Variants in KCNN2 observed in about 807,000 individuals in gnomAD.
KCNN2 encodes small conductance calcium-activated potassium channel protein 2.
Under a neutral mutation model 55.5 loss-of-function variants are expected in KCNN2, and 24 were observed. That is an observed-to-expected ratio of 0.43 (90% CI 0.31 to 0.61). The LOEUF (loss-of-function observed/expected upper bound fraction) is 0.61. Ranked by LOEUF, KCNN2 falls within the 20% of genes least tolerant of loss-of-function variation. The pLI is 0.08. For synonymous variants in KCNN2, 431 were observed against 336.1 expected (o/e 1.28, Z -3.09); for missense variants, 754 against 853.6 (o/e 0.88, Z 1.45).
chr5:114,086,663 T>G (rs1402413933), intron 1 of KCNN2, among the ~76,000 whole-genome samples: 2 of 152,126 alleles, frequency 1.3e-5, no homozygotes, highest in Non-Finnish European at 2.9e-5. Context: ...GAACCACATT[T>G]TCTTTATCTT....
chr5:114,205,927 T>G (rs1357136006), intron 1 of KCNN2, among the ~76,000 whole-genome samples: 1 of 152,204 alleles, frequency 6.6e-6, no homozygotes, highest in Admixed American at 6.5e-5. Flanking sequence ...CCTGTTACTT[T>G]TTGAAAATAG....
intron 3 of KCNN2, among the ~76,000 whole-genome samples, chr5:114,448,375 GT>G (rs903389407): frequency 5.1e-4 from 77 of 152,256 alleles, no homozygotes; most frequent in African/African-American, 1.7e-3. Flanking sequence ...AGACAGCTTC[GT>G]TCACTACACT....
At chr5:114,252,659 C>T (rs1754890772) in intron 2 of KCNN2, among the ~76,000 whole-genome samples, 1 of 151,778 alleles carries the variant, frequency 6.6e-6, no homozygotes. Flanking sequence ...AAGAATCCTT[C>T]CCCCCAACCC....
intron 1 of KCNN2, among the ~76,000 whole-genome samples, chr5:114,069,767 T>C (rs2112523528): frequency 6.6e-6 from 1 of 152,334 alleles, no homozygotes; most frequent in African/African-American, 2.4e-5. Flanking sequence ...AATTCTCCTC[T>C]GCCCACCACA....
chr5:114,098,663 A>G (rs1387725710), intron 1 of KCNN2, among the ~76,000 whole-genome samples: 1 of 151,986 alleles, frequency 6.6e-6, no homozygotes, highest in Non-Finnish European at 1.5e-5. Context: ...CCCTGGTACC[A>G]AAAAGGTTGG....
chr5:114,364,097 C>T (rs1019581520), intron 2 of KCNN2, 96 bp downstream of exon 2: 1 of 865,678 alleles, frequency 1.2e-6, no homozygotes, highest in Admixed American at 1.9e-5. Flanking sequence ...CCATCATGTC[C>T]TTGCTTGAGG....
At chr5:114,120,501 C>T (rs977127321) in intron 1 of KCNN2, among the ~76,000 whole-genome samples, 4 of 152,110 alleles carry the variant, frequency 2.6e-5, no homozygotes, top group African/African-American at 7.2e-5. Flanking sequence ...AATGAACTCT[C>T]GAGCCATCCA....
exon 1 of KCNN2, chr5:114,056,453 G>GGCAA (rs1273360232): frequency 1.0e-5 from 4 of 398,524 alleles, no homozygotes; most frequent in African/African-American, 8.2e-5. Flanking sequence ...ACCGCTTTGA[G>GGCAA]GCAAATTTGA....
rs894809505 is a variant in KCNN2, at chr5:114,227,225, C to T, written c.-185+5660C>T. Among the ~76,000 whole-genome samples the T allele has an allele frequency of 2.6e-5, 4 of 152,106 alleles. No homozygotes were observed. In the East Asian group the frequency reaches 5.8e-4, roughly 22 times the overall value. ...CCTGATATTTATAACAGTTAATGAG[C>T]GAATGAAAGAATGAAGGAATGAGTG... On this transcript the variant is annotated intron_variant, in intron 2 of 10. Transcript: ENST00000512097.
At chr5:114,191,005 C>G (rs183095089) in intron 1 of KCNN2, among the ~76,000 whole-genome samples, 5 of 152,044 alleles carry the variant, frequency 3.3e-5, no homozygotes, top group Admixed American at 2.6e-4. Flanking sequence ...AGAACACAGT[C>G]CTTGTGAGAT....
chr5:114,261,847 C>A (rs895862109), intron 2 of KCNN2, among the ~76,000 whole-genome samples: 1 of 152,182 alleles, frequency 6.6e-6, no homozygotes, highest in Non-Finnish European at 1.5e-5. Context: ...ACCCACTGGG[C>A]AGGGCAGTTA....
rs577401649 is a variant in KCNN2 at position 114,263,928 on chromosome 5, A to G, written c.-185+42363A>G. Reference sequence around the variant, plus strand: ...GATGCTTATTAAGACACCCTTATTCATCCTGAGCTGACCCAAATGCAAGCA... The same window carrying G: ...GATGCTTATTAAGACACCCTTATTCGTCCTGAGCTGACCCAAATGCAAGCA... On this transcript the variant is annotated intron_variant, in intron 2 of 10. Transcript: ENST00000512097. 3.0e-4 allele frequency among the ~76,000 whole-genome samples: 45 copies of G among 152,254 alleles called. No homozygotes were observed. The Middle Eastern group carries it at 0.01, about 35-fold the overall frequency.
At chr5:114,449,694 A>C (rs1210179261) in intron 3 of KCNN2, among the ~76,000 whole-genome samples, 1 of 152,102 alleles carries the variant, frequency 6.6e-6, no homozygotes, top group Non-Finnish European at 1.5e-5. Flanking sequence ...ATATCTTCAA[A>C]TGCAGGTTCA....
chr5:114,224,932 A>G (rs192287681), intron 2 of KCNN2, among the ~76,000 whole-genome samples: 34 of 152,300 alleles, frequency 2.2e-4, no homozygotes, highest in African/African-American at 7.9e-4. Flanking sequence ...TATAGATTCT[A>G]GATAGTAAAA....
intron 2 of KCNN2, among the ~76,000 whole-genome samples, chr5:114,269,685 G>A (rs1048256275): frequency 5.3e-5 from 8 of 152,018 alleles, no homozygotes; most frequent in African/African-American, 1.2e-4. Context: ...GGTAGGATCC[G>A]GTTGACTGTA....
At chr5:114,361,392 A>G (rs1481474621), upstream of KCNN2, among the ~76,000 whole-genome samples, 1 of 151,964 alleles carries the variant, frequency 6.6e-6, no homozygotes, top group East Asian at 1.9e-4. Context: ...GGGGTCGGCT[A>G]TGATCCCGCA....
At chr5:114,070,624 A>G (rs1750548887) in intron 1 of KCNN2, among the ~76,000 whole-genome samples, 1 of 152,208 alleles carries the variant, frequency 6.6e-6, no homozygotes, top group African/African-American at 2.4e-5. Context: ...CAGTGCCCTC[A>G]GTGATTATCA....
At chr5:114,300,387 G>A (rs1012209306) in intron 2 of KCNN2, among the ~76,000 whole-genome samples, 2 of 152,030 alleles carry the variant, frequency 1.3e-5, no homozygotes, top group Non-Finnish European at 2.9e-5. Flanking sequence ...ATTACAGAAC[G>A]GCTTTAGAGT....
chr5:114,393,221 G>GA (rs924452065), intron 2 of KCNN2, among the ~76,000 whole-genome samples: 36 of 152,008 alleles, frequency 2.4e-4, no homozygotes, highest in African/African-American at 8.7e-4. Flanking sequence ...GTAAGTGAAT[G>GA]AAAAAAAGAG....
Sources: gnomAD v4.1 joint callset for allele counts (sites outside exome capture counted in the v4.1 genomes callset) on GRCh38, gnomAD v4.1.1 for gene constraint, MANE v1.5 for transcripts, NCBI Gene and HGNC (gene_info 2026-07-23, HGNC 2026-07-21) for gene names.